Variants in C16orf96 observed in about 807,000 individuals in gnomAD.
The protein encoded by C16orf96 is chromosome 16 open reading frame 96.
In C16orf96, 108 loss-of-function variants were observed where a neutral mutation model predicts 103.6. The observed-to-expected ratio is 1.04, with a 90% CI of 0.89 to 1.22. The LOEUF is 1.22. Among genes scored for constraint, C16orf96 ranks in the 50% most tolerant of loss-of-function variants. The pLI, the probability that C16orf96 is intolerant of heterozygous loss-of-function variation, is 0.00. For synonymous variants in C16orf96, 566 were observed against 593.5 expected, an observed-to-expected ratio of 0.95 and a Z score of 0.67; for missense variants, 1,586 against 1,464.2, an observed-to-expected ratio of 1.08 and a Z score of -1.36.
intron 1 of C16orf96, among the ~76,000 whole-genome samples, chr16:4,563,645 T>G (rs2141698679): frequency 6.6e-6 from 1 of 152,254 alleles, no homozygotes; most frequent in East Asian, 1.9e-4. Flanking sequence ...CTTGGCTTAC[T>G]GCAGCCTCTG....
At chr16:4,553,167 G>A (rs543221471), upstream of C16orf96, among the ~76,000 whole-genome samples, 279 of 152,266 alleles carry the variant, frequency 1.8e-3, 1 homozygote, top group African/African-American at 6.4e-3. Context: ...CTGCCTCCAC[G>A]CCTGGCTGAA....
chr16:4,567,123 AAT>A (rs912314330), intron 1 of C16orf96, among the ~76,000 whole-genome samples: 7 of 152,032 alleles, frequency 4.6e-5, no homozygotes, highest in Non-Finnish European at 1.0e-4. Flanking sequence ...TTTCTTTGTT[AAT>A]ATAGTCACTT....
chr16:4,547,001 G>A, the C16orf96 span, among the ~76,000 whole-genome samples: 4 of 151,972 alleles, frequency 2.6e-5, no homozygotes, highest in Non-Finnish European at 4.4e-5. Flanking sequence ...ATATTGCCTG[G>A]CAGGTCTGTA....
intron 14 of C16orf96, among the ~76,000 whole-genome samples, chr16:4,595,708 G>GTTGT (rs1555440706): frequency 2.0e-5 from 3 of 151,776 alleles, no homozygotes; most frequent in Non-Finnish European, 2.9e-5. Context: ...TGTTGTTGTT[G>GTTGT]TTGTTTGTTT....
At chr16:4,557,024 C>G in intron 1 of C16orf96, 115 bp downstream of exon 1, 1 of 1,231,212 alleles carries the variant, frequency 8.1e-7, no homozygotes, top group Non-Finnish European at 1.1e-6. Flanking sequence ...GGCTGGAGTG[C>G]AGTGGTGTGA....
In C16orf96 at chr16:4,574,777, G is replaced by A; in HGVS notation, c.594G>A (p.Leu198=). The part of the protein sequence containing the change: ...FKIQNWKMVA[L]QREVASLQNK... Reference sequence around the variant, plus strand: ...TACAGAACTGGAAGATGGTTGCACTGCAGCGGGAAGTGGTGAGGGCCACCA... The same window carrying A: ...TACAGAACTGGAAGATGGTTGCACTACAGCGGGAAGTGGTGAGGGCCACCA... The change falls in exon 3 of 16, where the codon CTG becomes CTA. Residue 198 remains leucine (L), a synonymous_variant. Transcript: ENST00000444310. 1 of 1,551,654 alleles carries A rather than the reference G, an allele frequency of 6.4e-7. No homozygotes were observed. The highest frequency in any genetic ancestry group is 8.7e-7 in the Non-Finnish European group (1 of 1,147,022).
chr16:4,579,053 A>C (rs2059549618), intron 6 of C16orf96, 28 bp downstream of exon 6: 1 of 1,543,448 alleles, frequency 6.5e-7, no homozygotes, highest in African/African-American at 1.4e-5. Flanking sequence ...AGGGCTTTTG[A>C]GGCAGTGATG....
chr16:4,571,476 C>G (rs74429315), intron 1 of C16orf96, 85 bp from the exon 2 acceptor site: 2 of 1,178,540 alleles, frequency 1.7e-6, no homozygotes, highest in African/African-American at 3.1e-5. Flanking sequence ...TCTTGAACAA[C>G]GGCTATCATC....
chr16:4,556,230 G>T (rs930674609), upstream of C16orf96, among the ~76,000 whole-genome samples: 2 of 152,144 alleles, frequency 1.3e-5, no homozygotes, highest in African/African-American at 4.8e-5. Flanking sequence ...CACCTACTCT[G>T]GGTGAGGCTT....
At chr16:4,594,664 G>T (rs758074481) in intron 13 of C16orf96, 40 bp from the exon 14 acceptor site, 26 of 1,548,900 alleles carry the variant, frequency 1.7e-5, no homozygotes, top group East Asian at 2.4e-5. Flanking sequence ...GGCAGATCGG[G>T]TCGGGGGCTC....
At position 4,571,571 on chromosome 16, in the gene C16orf96, C is replaced by G. The variant is rs767903079; in HGVS notation, c.431C>G (p.Thr144Ser). 1.3e-6 allele frequency: 2 copies of G among 1,552,000 alleles called. No homozygotes were observed. The highest frequency in any genetic ancestry group is 4.9e-5 in the East Asian group (2 of 40,930). ...CCTCCTCTTTTGCAGTCAATGCAGA[C>G]CCTGCAGGACTTGCTCACTGATCTT... ...HDEVMAKSMQ[T>S]LQDLLTDLHA... is the part of the protein sequence containing the mutation. Residue 144 changes from threonine (T) to serine (S), a missense_variant, in exon 2 of 16, where the codon ACC (threonine) becomes AGC (serine). Coordinates refer to ENST00000444310, the MANE Select transcript of C16orf96 (RefSeq NM_001145011.2).
At chr16:4,557,974 C>T (rs2059284374) in intron 1 of C16orf96, among the ~76,000 whole-genome samples, 1 of 152,146 alleles carries the variant, frequency 6.6e-6, no homozygotes, top group African/African-American at 2.4e-5. Flanking sequence ...TCAGCCTTAC[C>T]CCAATTTCTA....
chr16:4,562,261 G>A (rs2059340387), intron 1 of C16orf96, among the ~76,000 whole-genome samples: 2 of 152,000 alleles, frequency 1.3e-5, no homozygotes, highest in Non-Finnish European at 2.9e-5. Flanking sequence ...GATCGCTTGA[G>A]CCCAGGAGTT....
chr16:4,550,342 C>T, the C16orf96 span, among the ~76,000 whole-genome samples: 2 of 152,142 alleles, frequency 1.3e-5, no homozygotes, highest in Non-Finnish European at 2.9e-5. Flanking sequence ...ATCTCAGCCT[C>T]CCACAGTGCT....
Position 4,578,963 on chromosome 16 carries a change from C to G in C16orf96, c.2179C>G (p.Leu727Val). 2 of 1,551,410 alleles carry G rather than the reference C, an allele frequency of 1.3e-6. No individual in the cohort carries two copies. Among genetic ancestry groups the G allele is most frequent in the South Asian group, 2.4e-5 (2 of 84,054 alleles). The change falls in exon 6 of 16, where the codon CTC becomes GTC. Residue 727 changes from leucine to valine, a missense_variant. By Grantham distance (32) the Leu-to-Val change is conservative. Transcript: ENST00000444310. ...AGCCAATATGGGAGGTCCTTCCAGCCTCGGGACAACAGTGGACATATTGCA... is the reference window on the plus strand; with the variant it reads ...AGCCAATATGGGAGGTCCTTCCAGCGTCGGGACAACAGTGGACATATTGCA... The part of the protein sequence containing the change: ...YLANMGGPSS[L>V]GTTVDILQKK...
In C16orf96 at chr16:4,588,312, G is replaced by GC; in HGVS notation, c.2574dup (p.Lys859GlnfsTer11). 3 of 1,551,340 alleles carry GC rather than the reference G, an allele frequency of 1.9e-6. No homozygotes were observed. Among genetic ancestry groups the GC allele is most frequent in the Non-Finnish European group, 2.6e-6 (3 of 1,146,696 alleles). On this transcript the variant is annotated frameshift_variant, in exon 9 of 16. Coordinates refer to ENST00000444310, the MANE Select transcript of C16orf96 (RefSeq NM_001145011.2). LOFTEE classifies it high-confidence loss of function. ...TGGAAGAAGGCTATGGAGGAGCTCA[G>GC]CAAGGACGTGAACACCAAGGTGAAT...
upstream of C16orf96, among the ~76,000 whole-genome samples, chr16:4,556,105 T>G (rs1342507675): frequency 6.6e-6 from 1 of 152,126 alleles, no homozygotes; most frequent in Non-Finnish European, 1.5e-5. Flanking sequence ...GGGAGCTGCC[T>G]CTCCATCCCT....
intron 7 of C16orf96, among the ~76,000 whole-genome samples, chr16:4,585,735 G>A (rs1329697260): frequency 6.6e-6 from 1 of 152,202 alleles, no homozygotes; most frequent in Non-Finnish European, 1.5e-5. Context: ...TGAAAGCTCA[G>A]AGGGGCCTCC....
upstream of C16orf96, among the ~76,000 whole-genome samples, chr16:4,552,138 T>A (rs1268082925): frequency 6.6e-6 from 1 of 152,134 alleles, no homozygotes; most frequent in Non-Finnish European, 1.5e-5. Context: ...ATAGCAATGG[T>A]TTCATACAGC....
Sources: allele counts gnomAD v4.1 joint callset (sites outside exome capture counted in the v4.1 genomes callset), GRCh38; gene constraint gnomAD v4.1.1; transcripts MANE v1.5; gene names NCBI Gene and HGNC (gene_info 2026-07-23, HGNC 2026-07-21).